PI4KB: variants seen among roughly 807,000 people sequenced by gnomAD.
The protein encoded by PI4KB is PtdIns 4-kinase beta.
A neutral mutation model predicts 81.4 loss-of-function variants in PI4KB; 23 were observed. The observed-to-expected ratio is 0.28, with a 90% CI of 0.20 to 0.40. The LOEUF (loss-of-function observed/expected upper bound fraction) is 0.40. PI4KB is among the 10% of genes least tolerant of loss of function. PI4KB has a pLI of 1.00. For missense variants in PI4KB, 651 were observed against 1,036.6 expected, an observed-to-expected ratio of 0.63 and a Z score of 5.11; for synonymous variants, 381 against 406.8, an observed-to-expected ratio of 0.94 and a Z score of 0.76.
intron 1 of PI4KB, among the ~76,000 whole-genome samples, chr1:151,318,028 G>C (rs1315383815): frequency 6.6e-6 from 1 of 151,974 alleles, no homozygotes; most frequent in African/African-American, 2.4e-5. Context: ...GCCCAGGCTA[G>C]CTTTGAACGC....
chr1:151,318,050 C>G (rs1347974604), intron 1 of PI4KB, among the ~76,000 whole-genome samples: 1 of 152,022 alleles, frequency 6.6e-6, no homozygotes, highest in Non-Finnish European at 1.5e-5. Flanking sequence ...TGGCCTCAAG[C>G]AATTCTCCTG....
chr1:151,313,078 G>A (rs1008872001), intron 2 of PI4KB, among the ~76,000 whole-genome samples: 3 of 151,970 alleles, frequency 2.0e-5, no homozygotes, highest in African/African-American at 7.3e-5. Flanking sequence ...AAGGAAGGAA[G>A]GAAGGACGGA....
At chr1:151,310,827 A>G (rs949486739) in intron 2 of PI4KB, among the ~76,000 whole-genome samples, 1 of 152,128 alleles carries the variant, frequency 6.6e-6, no homozygotes, top group African/African-American at 2.4e-5. Flanking sequence ...GCTGAATCCC[A>G]ACCTTGAACC....
Position 151,298,679 on chromosome 1 carries a change from G to A in PI4KB, c.2015+129C>T, listed in dbSNP as rs142360188. On this transcript the variant is annotated intron_variant, in intron 9 of 11. Coordinates refer to ENST00000368873, the MANE Select transcript of PI4KB (RefSeq NM_001369623.2). The stretch of plus-strand genomic sequence containing the variant: ...ATGTCATGGGAACACATCTGTCTCT[G>A]CTTAAAATACATTGTTTCATTTTTC... The A allele has an allele frequency of 6.8e-6, 7 of 1,034,208 alleles. No individual in the cohort carries two copies. In the East Asian group the frequency reaches 7.1e-5, roughly 11 times the overall value. 64.1% of individuals were successfully genotyped at this position (1,034,208 alleles called of 1,614,324 possible).
chr1:151,319,425 A>C (rs1648522450), intron 1 of PI4KB, among the ~76,000 whole-genome samples: 1 of 152,208 alleles, frequency 6.6e-6, no homozygotes, highest in Non-Finnish European at 1.5e-5. Context: ...AATCTTCCAG[A>C]AATACTTATG....
chr1:151,327,184 G>C (rs1026165155), intron 1 of PI4KB, 87 bp downstream of exon 1: 3 of 394,768 alleles, frequency 7.6e-6, no homozygotes, highest in Non-Finnish European at 4.5e-6. Context: ...AACTCAGGTG[G>C]GGAAGACTGT....
intron 6 of PI4KB, among the ~76,000 whole-genome samples, chr1:151,303,080 G>A (rs1695439329): frequency 6.9e-6 from 1 of 144,822 alleles, no homozygotes; most frequent in Admixed American, 7.2e-5. Context: ...CTCACTGCAA[G>A]CTCCGCCTCC....
chr1:151,324,988 C>CTTT (rs572033691), intron 1 of PI4KB: 300 of 370,794 alleles, frequency 8.1e-4, no homozygotes, highest in Middle Eastern at 1.3e-3. Context: ...AGGAAAGCTG[C>CTTT]TTTTTTTTTT....
upstream of PI4KB, chr1:151,327,583 A>G (rs1428724318): frequency 2.6e-6 from 1 of 389,358 alleles, no homozygotes. Context: ...CCGGAGTCCA[A>G]GCCAAGCCTT....
At position 151,292,350 on chromosome 1, in the gene PI4KB, C is replaced by CCAGGGGTCGGTCCCTGG. The variant is rs376993213; in HGVS notation, c.*485_*501dup. 1.9e-5 allele frequency: 3 copies of CCAGGGGTCGGTCCCTGG among 156,690 alleles called. No individual in the cohort carries two copies. Among genetic ancestry groups the CCAGGGGTCGGTCCCTGG allele is most frequent in the African/African-American group, 7.2e-5 (3 of 41,470 alleles). The allele number at this position is 156,690 out of a possible 1,614,324, so 9.7% of individuals were successfully genotyped here. A position where few individuals can be genotyped will look rare whatever the true frequency, so the allele number is the denominator to read the frequency against. On this transcript the variant is annotated 3_prime_UTR_variant, in exon 12 of 12. Coordinates refer to ENST00000368873, the MANE Select transcript of PI4KB (RefSeq NM_001369623.2). ...CGCCCGCCAGCAAGGGGAGCTTGGGCCAGGGGTCGGTCCCTGGGAGGGGTA... is the reference window on the plus strand; with the variant it reads ...CGCCCGCCAGCAAGGGGAGCTTGGGCCAGGGGTCGGTCCCTGGCAGGGGTCGGTCCCTGGGAGGGGTA...
intron 1 of PI4KB, among the ~76,000 whole-genome samples, chr1:151,325,637 G>A (rs1374607187): frequency 6.6e-6 from 1 of 152,218 alleles, no homozygotes; most frequent in African/African-American, 2.4e-5. Context: ...AAGCAAAGCA[G>A]ATGAAGGAAG....
chr1:151,324,442 C>G (rs1391914025), intron 1 of PI4KB, among the ~76,000 whole-genome samples: 4 of 152,158 alleles, frequency 2.6e-5, no homozygotes, highest in Admixed American at 1.3e-4. Context: ...ATTGAGTACT[C>G]CTTTTTCCTT....
intron 1 of PI4KB, chr1:151,326,109 C>T: frequency 6.8e-7 from 1 of 1,466,536 alleles, no homozygotes; most frequent in Non-Finnish European, 9.6e-7. Context: ...TGAGAAGGCA[C>T]TCTATTCTGT....
At chr1:151,302,577 C>CTT (rs144203698) in intron 6 of PI4KB, among the ~76,000 whole-genome samples, 45 of 133,782 alleles carry the variant, frequency 3.4e-4, no homozygotes, top group Middle Eastern at 4.0e-3. Flanking sequence ...CTTTTCTTTT[C>CTT]TTTTTTTTTT....
rs587741967 is a variant in PI4KB, at chr1:151,304,343, G to GTTTTTT, written c.1411-699_1411-694dup. Among the ~76,000 whole-genome samples, 7 of 135,278 alleles carry GTTTTTT rather than the reference G, an allele frequency of 5.2e-5. 1 individual carries two copies. The highest frequency in any genetic ancestry group is 3.0e-4 in the Admixed American group (4 of 13,314). 88.7% of individuals were successfully genotyped at this position (135,278 alleles called of 152,430 possible). A position where few individuals can be genotyped will look rare whatever the true frequency, so the allele number is the denominator to read the frequency against. On this transcript the variant is annotated intron_variant, in intron 5 of 11. Coordinates refer to ENST00000368873, the MANE Select transcript of PI4KB (RefSeq NM_001369623.2). ...TTGGCAAAGTGAAACCTGGCTGTGT[G>GTTTTTT]TTTTTTTTTTTTTTTTTTAGACGGA...
intron 1 of PI4KB, among the ~76,000 whole-genome samples, chr1:151,324,175 G>A (rs12739070): frequency 0.13 from 19,503 of 152,002 alleles, 1,314 homozygotes; most frequent in Admixed American, 0.16. Context: ...ATGCCAGGCT[G>A]GTTTCCAACT....
chr1:151,295,122 C>G (rs1694680242), intron 9 of PI4KB, among the ~76,000 whole-genome samples: 1 of 152,104 alleles, frequency 6.6e-6, no homozygotes. Context: ...CAGGATGAGG[C>G]AGTACTACAG....
chr1:151,306,207 T>C lies in PI4KB; in HGVS notation c.1339A>G (p.Ser447Gly), dbSNP rs1311783962. The stretch of plus-strand genomic sequence containing the variant: ...TCGTTGTCATAGTTGGGCACAGTGC[T>C]GAAGCTGCCAGCTCGCTGCTCATGG... ...ITHEQRAGSF[S>G]TVPNYDNDDE... is the part of the protein sequence containing the mutation. Residue 447 changes from serine (S) to glycine (G), a missense_variant, in exon 5 of 12, where the codon AGC becomes GGC. This residue lies in a region of PI4KB where 246 missense variants were observed against 430.1 expected (regional missense o/e 0.57). Coordinates refer to ENST00000368873, the MANE Select transcript of PI4KB (RefSeq NM_001369623.2). The C allele has an allele frequency of 6.2e-7, 1 of 1,614,086 alleles. No homozygotes were observed. The highest frequency in any genetic ancestry group is 2.2e-5 in the East Asian group (1 of 44,900).
At chr1:151,311,860 C>T (rs75361933) in intron 2 of PI4KB, among the ~76,000 whole-genome samples, 6 of 152,188 alleles carry the variant, frequency 3.9e-5, no homozygotes, top group African/African-American at 7.2e-5. Flanking sequence ...GTGTGACATG[C>T]GGCAGATTTC....
Sources: allele counts gnomAD v4.1 joint callset (sites outside exome capture counted in the v4.1 genomes callset), GRCh38; gene constraint gnomAD v4.1.1; regional missense constraint gnomAD v4.1.1; transcripts MANE v1.5; gene names NCBI Gene and HGNC (gene_info 2026-07-23, HGNC 2026-07-21).